Variants in AKAP13 observed in about 807,000 individuals in gnomAD.
AKAP13 encodes A-kinase anchor protein 13.
In AKAP13, 80 loss-of-function variants were observed where a neutral mutation model predicts 264.5. The observed-to-expected ratio is 0.30, with a 90% confidence interval of 0.25 to 0.36. The LOEUF (loss-of-function observed/expected upper bound fraction) is 0.36, where lower values mean the gene tolerates loss of function less well. Ranked by LOEUF, AKAP13 falls within the 10% of genes least tolerant of loss-of-function variation. The pLI is 1.00. For synonymous variants in AKAP13, 1,380 were observed against 1,250.2 expected, an observed-to-expected ratio of 1.10 and a Z score of -2.19; for missense variants, 3,712 against 3,435.2, an observed-to-expected ratio of 1.08 and a Z score of -2.01.
intron 1 of AKAP13, among the ~76,000 whole-genome samples, chr15:85,400,697 A>G (rs1261569106): frequency 6.6e-6 from 1 of 152,034 alleles, no homozygotes; most frequent in Non-Finnish European, 1.5e-5. Flanking sequence ...GGAAGTTGTA[A>G]GTCAGGTAGC....
At chr15:85,601,303 G>C (rs561901066) in intron 8 of AKAP13, among the ~76,000 whole-genome samples, 5 of 152,208 alleles carry the variant, frequency 3.3e-5, no homozygotes, top group African/African-American at 1.2e-4. Flanking sequence ...GTCATCAAAA[G>C]TCTTTTCCTA....
At chr15:85,492,317 G>A (rs945595561) in intron 2 of AKAP13, among the ~76,000 whole-genome samples, 1 of 152,190 alleles carries the variant, frequency 6.6e-6, no homozygotes, top group African/African-American at 2.4e-5. Context: ...ACGAGTTCAA[G>A]CCTGCAGTGA....
chr15:85,748,969 T>C lies in AKAP13; in HGVS notation c.*4292T>C, dbSNP rs1395942591. 6.6e-6 allele frequency: 1 copy of C among 152,348 alleles called. No individual in the cohort carries two copies. Among genetic ancestry groups the C allele is most frequent in the African/African-American group, 2.4e-5 (1 of 41,474 alleles). 9.4% of individuals were successfully genotyped at this position (152,348 alleles called of 1,614,324 possible). ...GGGGCGTGCCTGGTGAGTCTGCCTG[T>C]GGTTCAGGCTTAGCCTGTGGTCTCC... On this transcript the variant is annotated 3_prime_UTR_variant, in exon 37 of 37. Coordinates refer to ENST00000394518, the MANE Select transcript of AKAP13 (RefSeq NM_007200.5).
intron 14 of AKAP13, among the ~76,000 whole-genome samples, chr15:85,678,852 G>C (rs2084407412): frequency 1.3e-5 from 2 of 151,688 alleles, no homozygotes; most frequent in African/African-American, 4.8e-5. Flanking sequence ...CTGAGTGACA[G>C]AGTGAGATCA....
chr15:85,485,289 G>A (rs761527586), intron 1 of AKAP13, among the ~76,000 whole-genome samples: 9 of 152,166 alleles, frequency 5.9e-5, no homozygotes, highest in African/African-American at 2.2e-4. Flanking sequence ...GTGGTCCCTT[G>A]CAATCCTCCC....
At chr15:85,695,695 ATCC>A (rs1466403079) in intron 17 of AKAP13, among the ~76,000 whole-genome samples, 1 of 152,154 alleles carries the variant, frequency 6.6e-6, no homozygotes, top group Non-Finnish European at 1.5e-5. Context: ...TCTCACCCGA[ATCC>A]TCATGCATCC....
intron 10 of AKAP13, among the ~76,000 whole-genome samples, chr15:85,646,950 G>A (rs2082586631): frequency 3.3e-5 from 5 of 152,228 alleles, no homozygotes; most frequent in Admixed American, 3.3e-4. Context: ...GCCACAAGTG[G>A]TTTTCTTAAT....
chr15:85,744,898 C>T lies in AKAP13; in HGVS notation c.*221C>T. 2.1e-6 allele frequency: 1 copy of T among 482,648 alleles called. No individual in the cohort carries two copies. The highest frequency in any genetic ancestry group is 3.6e-6 in the Non-Finnish European group (1 of 275,224). 29.9% of individuals were successfully genotyped at this position (482,648 alleles called of 1,614,324 possible). ...GCTTCGGCCATGATTTGTGACTGCC[C>T]AGGACTCTCAGGTTGGGCTGGCCCT... On this transcript the variant is annotated 3_prime_UTR_variant, in exon 37 of 37. Coordinates refer to ENST00000394518, the MANE Select transcript of AKAP13 (RefSeq NM_007200.5).
At chr15:85,717,451 G>A (rs377494452) in intron 21 of AKAP13, 49 bp downstream of exon 21, 1 of 1,282,594 alleles carries the variant, frequency 7.8e-7, no homozygotes, top group Non-Finnish European at 1.1e-6. Context: ...GGGACTGTGT[G>A]TGTGTCATTA....
Position 85,579,920 on chromosome 15 carries a change from T to G in AKAP13, c.1852T>G (p.Ser618Ala). 6.2e-7 allele frequency: 1 copy of G among 1,614,188 alleles called. No homozygotes were observed. Among genetic ancestry groups the G allele is most frequent in the Non-Finnish European group, 8.5e-7 (1 of 1,180,012 alleles). The change falls in exon 7 of 37, where the codon TCA becomes GCA. Residue 618 changes from serine to alanine, a missense_variant. By Grantham distance (99) the Ser-to-Ala change is moderately conservative (BLOSUM62 1). This residue lies in a region of AKAP13 where 2,759 missense variants were observed against 2,411.7 expected (regional missense o/e 1.14). Coordinates refer to ENST00000394518, the MANE Select transcript of AKAP13 (RefSeq NM_007200.5). ...AAGIGEAMSP[S>A]DLALLGLEED... ...AGGCATAGGTGAGGCAATGTCACCC[T>G]CAGATTTAGCCCTTCTTGGGCTGGA...
chr15:85,502,047 A>G (rs1031872724), intron 2 of AKAP13, among the ~76,000 whole-genome samples: 1 of 152,152 alleles, frequency 6.6e-6, no homozygotes, highest in South Asian at 2.1e-4. Context: ...GGTCACCAGG[A>G]GGGCTTATTA....
rs190806835 is a variant in AKAP13, at chr15:85,746,682, C to A, written c.*2005C>A. The A allele has an allele frequency of 2.6e-4, 40 of 152,288 alleles. No homozygotes were observed. The highest frequency in any genetic ancestry group is 9.1e-4 in the African/African-American group (38 of 41,552). The allele number at this position is 152,288 out of a possible 1,614,324, so 9.4% of individuals were successfully genotyped here. On this transcript the variant is annotated 3_prime_UTR_variant, in exon 37 of 37. Transcript: ENST00000394518. Reference sequence around the variant, plus strand: ...CAAAAAGTTAAGTTTCTTTCTTTCACCTATTTGTACAACTCCAAGTTACAG... The same window carrying A: ...CAAAAAGTTAAGTTTCTTTCTTTCAACTATTTGTACAACTCCAAGTTACAG...
intron 1 of AKAP13, among the ~76,000 whole-genome samples, chr15:85,450,353 C>G (rs2074043021): frequency 6.6e-6 from 1 of 151,842 alleles, no homozygotes; most frequent in South Asian, 2.1e-4. Context: ...TTTTTCATGT[C>G]TTGATTTCCT....
intron 8 of AKAP13, among the ~76,000 whole-genome samples, chr15:85,592,535 G>A (rs2151334439): frequency 6.6e-6 from 1 of 152,272 alleles, no homozygotes; most frequent in Non-Finnish European, 1.5e-5. Context: ...TGTCACCTAG[G>A]GAAAGGCAAA....
intron 1 of AKAP13, among the ~76,000 whole-genome samples, chr15:85,465,981 T>C (rs983409562): frequency 6.6e-6 from 1 of 151,498 alleles, no homozygotes; most frequent in African/African-American, 2.4e-5. Flanking sequence ...AGTGTAAAAG[T>C]GTTCCTATTT....
At chr15:85,486,949 A>G (rs1001561655) in intron 2 of AKAP13, among the ~76,000 whole-genome samples, 2 of 152,096 alleles carry the variant, frequency 1.3e-5, no homozygotes, top group Non-Finnish European at 2.9e-5. Flanking sequence ...CATGTTTGCC[A>G]GGGTGGTCTC....
Position 85,727,323 on chromosome 15 carries a change from G to T in AKAP13, c.7005-58G>T. ...GTGATTTCATAACAGGCTGGACTGT[G>T]ACCAGAGTAATTGACATCTTAGGAA... is the stretch of plus-strand genomic sequence containing the variant. On this transcript the variant is annotated intron_variant, in intron 28 of 36. Transcript: ENST00000394518. This position sits in a 1 kb window ranked among gnomAD's most constrained non-coding sequence, Gnocchi z 5.3. The T allele has an allele frequency of 6.2e-7, 1 of 1,613,380 alleles. No individual in the cohort carries two copies. Among genetic ancestry groups the T allele is most frequent in the Non-Finnish European group, 8.5e-7 (1 of 1,179,548 alleles).
In AKAP13 at chr15:85,727,404, T is replaced by C. The variant is rs756742950; in HGVS notation, c.7028T>C (p.Ile2343Thr). 30 of 1,613,956 alleles carry C rather than the reference T, an allele frequency of 1.9e-5. No homozygotes were observed. Among genetic ancestry groups the C allele is most frequent in the Non-Finnish European group, 2.5e-5 (29 of 1,179,976 alleles). Reference sequence around the variant, plus strand: ...AGGAACAGAGATGAAGATGAAGGAATTCCTAGTGAGAATGAGGAAGAAAAG... The same window carrying C: ...AGGAACAGAGATGAAGATGAAGGAACTCCTAGTGAGAATGAGGAAGAAAAG... Reference protein sequence around the residue: ...NTLNRDEDEGIPSENEEEKKM... With the variant: ...NTLNRDEDEGTPSENEEEKKM... Residue 2343 changes from isoleucine to threonine, a missense_variant, in exon 29 of 37, where the codon ATT becomes ACT. Ile to Thr is a moderately conservative substitution (Grantham distance 89, BLOSUM62 -1). Transcript: ENST00000394518. The surrounding 1 kb of genome is among the most constrained non-coding windows in gnomAD (Gnocchi z 5.3).
intron 30 of AKAP13, among the ~76,000 whole-genome samples, chr15:85,731,643 T>C (rs74025671): frequency 1.2e-3 from 180 of 152,334 alleles, no homozygotes; most frequent in African/African-American, 4.2e-3. Flanking sequence ...AAATATCTAG[T>C]TGTCTCTTTT....
Sources: allele counts gnomAD v4.1 joint callset (sites outside exome capture counted in the v4.1 genomes callset), GRCh38; gene constraint gnomAD v4.1.1; regional missense constraint gnomAD v4.1.1; non-coding constraint Gnocchi (gnomAD v3.1); transcripts MANE v1.5; gene names NCBI Gene and HGNC (gene_info 2026-07-23, HGNC 2026-07-21).